TPR: variants seen among roughly 807,000 people sequenced by gnomAD.
TPR encodes translocated promoter region, nuclear basket protein.
Under a neutral mutation model 316.1 loss-of-function variants are expected in TPR, and 51 were observed. The observed-to-expected ratio is 0.16, with a 90% CI of 0.13 to 0.20. The LOEUF is 0.20. TPR is among the 10% of genes least tolerant of loss of function. The probability of loss-of-function intolerance (pLI) is 1.00; values close to 1 mark genes in which losing one functional copy is unlikely to be tolerated. For missense variants in TPR, 2,272 were observed against 2,754.8 expected (o/e 0.82, Z 3.92); for synonymous variants, 981 against 914.7 (o/e 1.07, Z -1.31).
In TPR at chr1:186,335,338, C is replaced by G; in HGVS notation, c.4911G>C (p.Lys1637Asn). 1 of 1,612,638 alleles carries G rather than the reference C, an allele frequency of 6.2e-7. No homozygotes were observed. Among genetic ancestry groups the G allele is most frequent in the Non-Finnish European group, 8.5e-7 (1 of 1,179,400 alleles). The change falls in exon 34 of 51, where the codon AAG becomes AAC. Residue 1637 changes from lysine to asparagine, a missense_variant and splice_region_variant. By Grantham distance (94) the Lys-to-Asn change is moderately conservative. Around this residue, in one of 10 missense-constraint regions of TPR, gnomAD observed 109 missense variants for 215.3 expected, o/e 0.51. Coordinates refer to ENST00000367478, the MANE Select transcript of TPR (RefSeq NM_003292.3). ...QRDEPQEPSN[K>N]VPEQQRQITL... is the part of the protein sequence containing the mutation. ...TACTTAAGCAGAATTAGCTAATCAC[C>G]TTATTAGAAGGTTCTTGAGGCTCAT...
chr1:186,334,661 T>G, intron 35 of TPR, 128 bp from the exon 36 acceptor site: 1 of 1,001,618 alleles, frequency 1.0e-6, no homozygotes, highest in Non-Finnish European at 1.4e-6. Context: ...AAAGCTGTTT[T>G]GAATTTAAGC....
intron 31 of TPR, among the ~76,000 whole-genome samples, chr1:186,337,699 G>C (rs1382759707): frequency 6.6e-6 from 1 of 151,726 alleles, no homozygotes; most frequent in African/African-American, 2.4e-5. Flanking sequence ...TTTGATAGGT[G>C]GTTAACATAA....
rs751592913 is a variant in TPR at position 186,374,973 on chromosome 1, T to G, written c.56A>C (p.Lys19Thr). 3 of 1,614,008 alleles carry G rather than the reference T, an allele frequency of 1.9e-6. No individual in the cohort carries two copies. The highest frequency in any genetic ancestry group is 2.7e-5 in the African/African-American group (2 of 74,924). ...CTTTTCAAGTTTGTTCTGGACAGAC[T>G]TGGGCAGCTTGTTCAGCTCCGTGCG... ...LERTELNKLP[K>T]SVQNKLEKFL... Residue 19 changes from lysine to threonine, a missense_variant, in exon 1 of 51, where the codon AAG becomes ACG. Lys to Thr is a moderately conservative substitution (Grantham distance 78, BLOSUM62 -1). Coordinates refer to ENST00000367478, the MANE Select transcript of TPR (RefSeq NM_003292.3).
chr1:186,340,704 TA>T (rs1658486343), intron 29 of TPR, among the ~76,000 whole-genome samples: 1 of 152,152 alleles, frequency 6.6e-6, no homozygotes, highest in African/African-American at 2.4e-5. Flanking sequence ...GTGCTGGGAT[TA>T]CAGGCATGAG....
chr1:186,364,214 A>C (rs559848399), intron 4 of TPR, among the ~76,000 whole-genome samples: 1 of 152,204 alleles, frequency 6.6e-6, no homozygotes, highest in Non-Finnish European at 1.5e-5. Context: ...CATGGGATCC[A>C]TAAGAACTGC....
chr1:186,359,970 C>T lies in TPR; in HGVS notation c.1218G>A (p.Gln406=). The T allele has an allele frequency of 6.2e-7, 1 of 1,608,980 alleles. No homozygotes were observed. Among genetic ancestry groups the T allele is most frequent in the East Asian group, 2.2e-5 (1 of 44,760 alleles). Residue 406 remains glutamine (Q), a synonymous_variant, in exon 12 of 51, where the codon CAG becomes CAA. Coordinates refer to ENST00000367478, the MANE Select transcript of TPR (RefSeq NM_003292.3). The part of the protein sequence containing the change: ...TELYNAYVET[Q]DQLLLEKLEN... ...CTAGTTTCTCCAAAAGCAACTGATC[C>T]TGAGTTTCCACATAAGCATTATAGA...
At chr1:186,361,308 TAA>T (rs1463510547) in intron 9 of TPR, among the ~76,000 whole-genome samples, 1 of 151,898 alleles carries the variant, frequency 6.6e-6, no homozygotes, top group African/African-American at 2.4e-5. Flanking sequence ...ATTTATAAAG[TAA>T]GAGTATTCAA....
intron 29 of TPR, among the ~76,000 whole-genome samples, chr1:186,340,471 AC>A (rs1236995855): frequency 6.6e-6 from 1 of 151,560 alleles, no homozygotes. Context: ...TCCCTCTCTC[AC>A]CCAGGCTAGC....
chr1:186,373,054 G>A (rs1659581297), intron 2 of TPR, among the ~76,000 whole-genome samples: 1 of 152,080 alleles, frequency 6.6e-6, no homozygotes, highest in Non-Finnish European at 1.5e-5. Context: ...AGCTGTCTAG[G>A]TAGACAGACA....
Position 186,339,649 on chromosome 1 carries a change from T to C in TPR, c.4144A>G (p.Ile1382Val), listed in dbSNP as rs184537452. ...TEEIGRLKAE[I>V]ARSNASLTNN... is the part of the protein sequence containing the mutation. ...AGGCTTCTTTCCATATACCTTGCAA[T>C]TTCAGCTTTAAGTCTACCAATTTCT... Residue 1382 changes from isoleucine (I) to valine (V), a missense_variant, in exon 30 of 51, where the codon ATT (isoleucine) becomes GTT (valine). By Grantham distance (29) the Ile-to-Val change is conservative. Transcript: ENST00000367478. The C allele has an allele frequency of 6.3e-7, 1 of 1,576,074 alleles. No individual in the cohort carries two copies. The highest frequency in any genetic ancestry group is 8.6e-7 in the Non-Finnish European group (1 of 1,164,564).
In TPR at chr1:186,326,144, C is replaced by A. The variant is rs1657924535; in HGVS notation, c.5981G>T (p.Ser1994Ile). Residue 1994 changes from serine to isoleucine, a missense_variant, in exon 41 of 51, where the codon AGT becomes ATT. Coordinates refer to ENST00000367478, the MANE Select transcript of TPR (RefSeq NM_003292.3). Reference sequence around the variant, plus strand: ...TTCATAACCATCATTGCCATCGGCACTACCAGTTCCTTCATTACTATCTTC... The same window carrying A: ...TTCATAACCATCATTGCCATCGGCAATACCAGTTCCTTCATTACTATCTTC... ...EGEDSNEGTG[S>I]ADGNDGYEAD... The A allele has an allele frequency of 6.2e-7, 1 of 1,611,868 alleles. No individual in the cohort carries two copies. The highest frequency in any genetic ancestry group is 8.5e-7 in the Non-Finnish European group (1 of 1,178,022).
chr1:186,355,992 T>A (rs1659017039), intron 15 of TPR, among the ~76,000 whole-genome samples: 1 of 152,180 alleles, frequency 6.6e-6, no homozygotes, highest in African/African-American at 2.4e-5. Context: ...TAAAACATAA[T>A]CCATATTTAT....
chr1:186,347,160 A>T, intron 22 of TPR, 132 bp downstream of exon 22: 1 of 909,222 alleles, frequency 1.1e-6, no homozygotes, highest in Non-Finnish European at 1.6e-6. Flanking sequence ...AGACTCAAGT[A>T]CTTTCACAAG....
chr1:186,327,566 T>C lies in TPR; in HGVS notation c.5783A>G (p.Gln1928Arg). The change falls in exon 40 of 51, where the codon CAG (glutamine) becomes CGG (arginine). Residue 1928 changes from glutamine (Q) to arginine (R), a missense_variant. Physicochemically the swap from Gln to Arg is conservative, Grantham distance 43. Transcript: ENST00000367478. ...ACCATCCTGGGATGAAGTTGTCGTC[T>C]GCTGATCTGATTGAAGTGGCCCAAG... Reference protein sequence around the residue: ...IDLGPLQSDQQTTTSSQDGQG... With the variant: ...IDLGPLQSDQRTTTSSQDGQG... 1 of 1,612,816 alleles carries C rather than the reference T, an allele frequency of 6.2e-7. No homozygotes were observed. The highest frequency in any genetic ancestry group is 8.5e-7 in the Non-Finnish European group (1 of 1,179,768).
Position 186,325,775 on chromosome 1 carries a change from G to C in TPR, c.6101C>G (p.Ser2034Cys), listed in dbSNP as rs1345231156. Residue 2034 changes from serine to cysteine, a missense_variant, in exon 42 of 51, where the codon TCT (serine) becomes TGT (cysteine). Ser to Cys is a moderately radical substitution (Grantham distance 112). This residue lies in a region of TPR where 435 missense variants were observed against 461.1 expected (regional missense o/e 0.94). Coordinates refer to ENST00000367478, the MANE Select transcript of TPR (RefSeq NM_003292.3). ...GGEGNHRAAD[S>C]QNSGEGNTGA... is the part of the protein sequence containing the mutation. ...AATAAAAATCTCACCACTGTTTTGA[G>C]AATCAGCAGCTCTGTGATTACCTTC... is the stretch of plus-strand genomic sequence containing the variant. The C allele has an allele frequency of 1.2e-6, 2 of 1,612,538 alleles. No homozygotes were observed. Among genetic ancestry groups the C allele is most frequent in the Admixed American group, 1.7e-5 (1 of 59,938 alleles).
rs1220834866 is a variant in TPR, at chr1:186,339,772, G to T, written c.4021C>A (p.His1341Asn). 5.7e-6 allele frequency: 9 copies of T among 1,568,266 alleles called. No homozygotes were observed. Among genetic ancestry groups the T allele is most frequent in the Non-Finnish European group, 7.7e-6 (9 of 1,163,064 alleles). Reference protein sequence around the residue: ...DVKRWKARNQHLVSQQKDPDT... With the variant: ...DVKRWKARNQNLVSQQKDPDT... ...GGATCTTTCTGTTGACTTACTAGATGCTAGAATAACAAAAATGCATACTTG... is the reference window on the plus strand; with the variant it reads ...GGATCTTTCTGTTGACTTACTAGATTCTAGAATAACAAAAATGCATACTTG... Residue 1341 changes from histidine (H) to asparagine (N), a missense_variant and splice_region_variant, in exon 30 of 51, where the codon CAT (histidine) becomes AAT (asparagine). By Grantham distance (68) the His-to-Asn change is moderately conservative. Around this residue, in one of 10 missense-constraint regions of TPR, gnomAD observed 96 missense variants for 134.6 expected, o/e 0.71. Coordinates refer to ENST00000367478, the MANE Select transcript of TPR (RefSeq NM_003292.3).
Position 186,312,181 on chromosome 1 carries a change from G to A in TPR, c.*1790C>T. On this transcript the variant is annotated 3_prime_UTR_variant, in exon 51 of 51. Coordinates refer to ENST00000367478, the MANE Select transcript of TPR (RefSeq NM_003292.3). ...ATATTCTAATACATAACAGGTGGCA[G>A]CATTCAGCAGTATATTTATAAACAG... 6.2e-7 allele frequency: 1 copy of A among 1,613,510 alleles called. No homozygotes were observed. Among genetic ancestry groups the A allele is most frequent in the Non-Finnish European group, 8.5e-7 (1 of 1,179,550 alleles).
rs377531108 is a variant in TPR, at chr1:186,318,493, T to C, written c.6775A>G (p.Thr2259Ala). ...GTLSTTNETA[T>A]GDDGDEVFVE... ...AATACTTCATCTCCATCATCACCTG[T>C]TGCTGTTTCATTTGTTGTAGATAAA... The change falls in exon 48 of 51, where the codon ACA (threonine) becomes GCA (alanine). Residue 2259 changes from threonine (T) to alanine (A), a missense_variant. By Grantham distance (58) the Thr-to-Ala change is moderately conservative (BLOSUM62 0). Around this residue, in one of 10 missense-constraint regions of TPR, gnomAD observed 123 missense variants for 142.3 expected, o/e 0.86. Coordinates refer to ENST00000367478, the MANE Select transcript of TPR (RefSeq NM_003292.3). 4 of 1,613,880 alleles carry C rather than the reference T, an allele frequency of 2.5e-6. No homozygotes were observed. Among genetic ancestry groups the C allele is most frequent in the Admixed American group, 1.7e-5 (1 of 59,960 alleles).
chr1:186,331,640 G>A (rs1658169712), intron 38 of TPR, 59 bp from the exon 39 acceptor site: 3 of 1,104,488 alleles, frequency 2.7e-6, no homozygotes, highest in Non-Finnish European at 3.8e-6. Context: ...AGGGTTACCT[G>A]TTTTTGTTAG....
Sources: gnomAD v4.1 joint callset for allele counts (sites outside exome capture counted in the v4.1 genomes callset) on GRCh38, gnomAD v4.1.1 for gene constraint, gnomAD v4.1.1 regional missense constraint, MANE v1.5 for transcripts, NCBI Gene and HGNC (gene_info 2026-07-23, HGNC 2026-07-21) for gene names.